The following DENND1A variants were observed in gnomAD, a reference collection of about 807,000 sequenced individuals.
DENND1A encodes DENN domain-containing protein 1A.
DENND1A carries 51 observed loss-of-function variants against 113.7 expected under a neutral mutation model. That is an observed-to-expected ratio of 0.45 (90% CI 0.36 to 0.57). The LOEUF (loss-of-function observed/expected upper bound fraction) is 0.57. Among genes scored for constraint, DENND1A ranks in the 20% least tolerant of loss-of-function variants. The pLI is 0.00. For missense variants in DENND1A, 1,258 were observed against 1,395.9 expected (o/e 0.90, Z 1.57); for synonymous variants, 565 against 570.8 (o/e 0.99, Z 0.14).
At chr9:123,513,133 G>A (rs1005374028) in intron 13 of DENND1A, among the ~76,000 whole-genome samples, 5 of 152,296 alleles carry the variant, frequency 3.3e-5, no homozygotes, top group African/African-American at 7.2e-5. Context: ...TCCGGAGTCC[G>A]GTGAGGTGGC....
intron 20 of DENND1A, among the ~76,000 whole-genome samples, chr9:123,406,319 T>C (rs945502502): frequency 1.3e-5 from 2 of 152,202 alleles, no homozygotes; most frequent in African/African-American, 4.8e-5. Context: ...TGTGGGGTGA[T>C]TGTGAAGCCC....
At chr9:123,414,324 C>T (rs2044547609) in intron 19 of DENND1A, 1 of 1,409,258 alleles carries the variant, frequency 7.1e-7, no homozygotes, top group Non-Finnish European at 9.2e-7. Flanking sequence ...CCATTACCAT[C>T]AGCAGGTTTC....
intron 9 of DENND1A, among the ~76,000 whole-genome samples, chr9:123,643,072 T>C (rs989450001): frequency 1.3e-5 from 2 of 151,744 alleles, no homozygotes; most frequent in African/African-American, 4.8e-5. Context: ...GCTGGAAAAG[T>C]CTCCATGTTC....
chr9:123,712,361 T>G (rs957750360), intron 5 of DENND1A, among the ~76,000 whole-genome samples: 1 of 152,254 alleles, frequency 6.6e-6, no homozygotes, highest in South Asian at 2.1e-4. Context: ...TAAACACTTT[T>G]GGAAGTCTGG....
At chr9:123,512,127 A>C (rs1309940193) in intron 13 of DENND1A, among the ~76,000 whole-genome samples, 3 of 152,208 alleles carry the variant, frequency 2.0e-5, no homozygotes, top group African/African-American at 7.2e-5. Flanking sequence ...AAAAGAACAA[A>C]ATGCAGGCCA....
intron 13 of DENND1A, among the ~76,000 whole-genome samples, chr9:123,467,527 C>T (rs1451540997): frequency 1.3e-5 from 2 of 151,964 alleles, no homozygotes; most frequent in East Asian, 1.9e-4. Flanking sequence ...TATTGGCGGG[C>T]GCCTGTAATC....
At chr9:123,630,355 G>A (rs757778113) in intron 10 of DENND1A, 21 bp downstream of exon 10, 97 of 1,564,044 alleles carry the variant, frequency 6.2e-5, no homozygotes, top group Non-Finnish European at 7.8e-5. Flanking sequence ...GAGAAGCAGA[G>A]GACAGGGCCA....
At chr9:123,646,034 G>C (rs2062303896) in intron 9 of DENND1A, among the ~76,000 whole-genome samples, 1 of 152,168 alleles carries the variant, frequency 6.6e-6, no homozygotes, top group Admixed American at 6.5e-5. Context: ...TGAAGGAAAC[G>C]GGCAACAATC....
chr9:123,799,857 C>T lies in DENND1A; in HGVS notation c.89-7227G>A, dbSNP rs10986109. On this transcript the variant is annotated intron_variant, in intron 2 of 23. Coordinates refer to ENST00000394215, the MANE Select transcript of DENND1A (RefSeq NM_001352964.2). ...ACAAGCCTTTGAATGCTACAGACTT[C>T]CTAAAGATCACACTGACATGTCGTA... Among the ~76,000 whole-genome samples the T allele has an allele frequency of 4.4e-3, 677 of 152,268 alleles. 25 individuals carry two copies. The East Asian group carries it at 0.11, about 25-fold the overall frequency.
chr9:123,796,598 T>C (rs1031509260), intron 2 of DENND1A, among the ~76,000 whole-genome samples: 2 of 152,114 alleles, frequency 1.3e-5, no homozygotes, highest in African/African-American at 4.8e-5. Context: ...ATAAATTATT[T>C]TACACAGGCT....
At chr9:123,446,177 G>A (rs2047292283) in intron 18 of DENND1A, among the ~76,000 whole-genome samples, 1 of 152,230 alleles carries the variant, frequency 6.6e-6, no homozygotes, top group South Asian at 2.1e-4. Flanking sequence ...TCTGACTCAT[G>A]CTGCGGGTGT....
chr9:123,835,504 C>T (rs1219802205), intron 2 of DENND1A, among the ~76,000 whole-genome samples: 1 of 152,074 alleles, frequency 6.6e-6, no homozygotes, highest in African/African-American at 2.4e-5. Context: ...ACAGCCCTCA[C>T]CACTGCCACA....
chr9:123,864,632 C>T (rs1024655806), intron 2 of DENND1A, among the ~76,000 whole-genome samples: 1 of 152,092 alleles, frequency 6.6e-6, no homozygotes, highest in African/African-American at 2.4e-5. Context: ...GGCAGAATAA[C>T]ATCTTCCAGA....
intron 21 of DENND1A, among the ~76,000 whole-genome samples, chr9:123,399,392 GTCTCGC>G (rs2043309897): frequency 6.6e-6 from 1 of 151,992 alleles, no homozygotes; most frequent in African/African-American, 2.4e-5. Flanking sequence ...TTGAGATAGG[GTCTCGC>G]TCTGAGGCCC....
chr9:123,922,743 T>C (rs1397682649), intron 1 of DENND1A, among the ~76,000 whole-genome samples: 1 of 152,250 alleles, frequency 6.6e-6, no homozygotes, highest in Non-Finnish European at 1.5e-5. Context: ...ATATCTGGAA[T>C]GCCCTTGCCC....
chr9:123,850,336 G>A (rs746923134), intron 2 of DENND1A, among the ~76,000 whole-genome samples: 7 of 152,120 alleles, frequency 4.6e-5, no homozygotes, highest in Non-Finnish European at 8.8e-5. Context: ...GATCGTTTGC[G>A]ATCAAAAAGA....
At chr9:123,389,673 G>A (rs936109722) in intron 21 of DENND1A, among the ~76,000 whole-genome samples, 3 of 152,236 alleles carry the variant, frequency 2.0e-5, no homozygotes, top group Non-Finnish European at 1.5e-5. Flanking sequence ...TGCTGCAGTT[G>A]GTGGTATGGT....
At chr9:123,880,170 G>A (rs1301989695) in intron 1 of DENND1A, among the ~76,000 whole-genome samples, 1 of 151,938 alleles carries the variant, frequency 6.6e-6, no homozygotes, top group African/African-American at 2.4e-5. Flanking sequence ...ACACCACCAC[G>A]CCCAGCTAAT....
chr9:123,688,130 A>G (rs556120284), intron 5 of DENND1A, among the ~76,000 whole-genome samples: 9 of 152,362 alleles, frequency 5.9e-5, no homozygotes, highest in Middle Eastern at 3.4e-3. Flanking sequence ...AATTCTAGAT[A>G]GGGTACCATC....
Sources: allele counts gnomAD v4.1 joint callset (sites outside exome capture counted in the v4.1 genomes callset), GRCh38; gene constraint gnomAD v4.1.1; transcripts MANE v1.5; gene names NCBI Gene and HGNC (gene_info 2026-07-23, HGNC 2026-07-21).